Variants in MEF2D observed in about 807,000 individuals in gnomAD.
MEF2D encodes the protein myocyte-specific enhancer factor 2D.
Under a neutral mutation model 59.3 loss-of-function variants are expected in MEF2D, and 10 were observed. That is an observed-to-expected ratio of 0.17 (90% CI 0.10 to 0.29). MEF2D has a LOEUF of 0.29. Ranked by LOEUF, MEF2D falls within the 10% of genes least tolerant of loss-of-function variation. The probability of loss-of-function intolerance (pLI) is 1.00; values close to 1 mark genes in which losing one functional copy is unlikely to be tolerated. For missense variants in MEF2D, 508 were observed against 699.4 expected (o/e 0.73, Z 3.09); for synonymous variants, 305 against 295.0 (o/e 1.03, Z -0.35).
chr1:156,472,161 G>A (rs1167458147), intron 9 of MEF2D, among the ~76,000 whole-genome samples: 4 of 152,218 alleles, frequency 2.6e-5, no homozygotes, highest in Non-Finnish European at 5.9e-5. Context: ...AAAGTGGTCT[G>A]AGCTGCCCTC....
rs1363856348 is a variant in MEF2D, at chr1:156,463,841, G to A, written c.*3804C>T. 6.6e-6 allele frequency: 1 copy of A among 152,640 alleles called. No homozygotes were observed. The highest frequency in any genetic ancestry group is 1.5e-5 in the Non-Finnish European group (1 of 68,050). 9.5% of individuals were successfully genotyped at this position (152,640 alleles called of 1,614,324 possible). On this transcript the variant is annotated 3_prime_UTR_variant, in exon 12 of 12. Transcript: ENST00000348159. ...CTCGAGGACTTTGTCTTTTCTTATT[G>A]TGTAGAATACTAAGAAAGCATCACC...
chr1:156,496,753 T>G (rs1028454820), intron 1 of MEF2D, among the ~76,000 whole-genome samples: 2 of 152,188 alleles, frequency 1.3e-5, no homozygotes, highest in African/African-American at 4.8e-5. Context: ...GTTGCACACT[T>G]TCCTGCATGT....
intron 1 of MEF2D, among the ~76,000 whole-genome samples, chr1:156,497,963 G>A (rs1261343903): frequency 6.6e-6 from 1 of 151,840 alleles, no homozygotes; most frequent in Non-Finnish European, 1.5e-5. Flanking sequence ...CATAATCAAT[G>A]AGGGCCTATC....
rs1672079471 is a variant in MEF2D, at chr1:156,482,354, G to C, written c.258+83C>G. ...TATACCAGTGTGTGTGCATAGGCAGGTCTGCGTGTACATGCAACGTGGGCA... is the reference window on the plus strand; with the variant it reads ...TATACCAGTGTGTGTGCATAGGCAGCTCTGCGTGTACATGCAACGTGGGCA... On this transcript the variant is annotated intron_variant, in intron 3 of 11. Coordinates refer to ENST00000348159, the MANE Select transcript of MEF2D (RefSeq NM_005920.4). 5.5e-6 allele frequency: 8 copies of C among 1,444,452 alleles called. 1 individual carries two copies. The South Asian group carries it at 9.2e-5, about 17-fold the overall frequency. 89.5% of individuals were successfully genotyped at this position (1,444,452 alleles called of 1,614,324 possible). A position where few individuals can be genotyped will look rare whatever the true frequency, so the allele number is the denominator to read the frequency against.
At chr1:156,481,011 TCCCG>T (rs1179093597) in intron 3 of MEF2D, 40 bp from the exon 4 acceptor site, 2 of 1,609,576 alleles carry the variant, frequency 1.2e-6, no homozygotes, top group African/African-American at 1.3e-5. Context: ...TGAGAGTCCT[TCCCG>T]CCCGCCTCGC....
chr1:156,483,266 C>T lies in MEF2D; in HGVS notation c.27G>A (p.Gln9=). The change falls in exon 2 of 12, where the codon CAG becomes CAA. Residue 9 remains glutamine, a synonymous_variant. Transcript: ENST00000348159. MGRKKIQI[Q]RITDERNRQV... Reference sequence around the variant, plus strand: ...GTCGGTTCCGCTCGTCGGTGATTCGCTGGATCTGAATCTTTTTCCTCCCCA... The same window carrying T: ...GTCGGTTCCGCTCGTCGGTGATTCGTTGGATCTGAATCTTTTTCCTCCCCA... The T allele has an allele frequency of 6.2e-7, 1 of 1,614,168 alleles. No homozygotes were observed. Among genetic ancestry groups the T allele is most frequent in the Non-Finnish European group, 8.5e-7 (1 of 1,180,022 alleles).
chr1:156,477,281 C>G, intron 6 of MEF2D, 79 bp from the exon 7 acceptor site: 19 of 1,261,664 alleles, frequency 1.5e-5, no homozygotes, highest in Non-Finnish European at 2.1e-5. Context: ...CACACCAATA[C>G]TCCTGTTACC....
intron 3 of MEF2D, 136 bp downstream of exon 3, chr1:156,482,301 G>A (rs1171558): frequency 0.23 from 201,757 of 889,684 alleles, 24,546 homozygotes; most frequent in Admixed American, 0.32. Context: ...ATGTGTGTGC[G>A]CACAGGTGAG....
At chr1:156,496,683 C>T (rs766917713) in intron 1 of MEF2D, among the ~76,000 whole-genome samples, 5 of 152,154 alleles carry the variant, frequency 3.3e-5, no homozygotes, top group Non-Finnish European at 7.3e-5. Context: ...CCATTCACTA[C>T]CCCCCACCTC....
chr1:156,481,859 G>T (rs1026279034), intron 3 of MEF2D, among the ~76,000 whole-genome samples: 9 of 152,240 alleles, frequency 5.9e-5, no homozygotes, highest in African/African-American at 2.2e-4. Flanking sequence ...ATTTTGTGGA[G>T]GTGGGCACCA....
chr1:156,470,880 A>C (rs1007734770), intron 9 of MEF2D, among the ~76,000 whole-genome samples: 2 of 152,208 alleles, frequency 1.3e-5, no homozygotes, highest in Non-Finnish European at 2.9e-5. Context: ...ACAGGCTCCA[A>C]GTCATGGAGA....
chr1:156,485,908 G>A (rs1391072900), intron 1 of MEF2D, among the ~76,000 whole-genome samples: 1 of 150,636 alleles, frequency 6.6e-6, no homozygotes, highest in Non-Finnish European at 1.5e-5. Context: ...GGAGTGCAGT[G>A]GCGTGATCTT....
At chr1:156,469,185 CAGAGTTA>C (rs1671069261) in intron 9 of MEF2D, among the ~76,000 whole-genome samples, 165 bp from the exon 10 acceptor site, 1 of 152,150 alleles carries the variant, frequency 6.6e-6, no homozygotes, top group African/African-American at 2.4e-5. Context: ...AGACGGTACT[CAGAGTTA>C]AAGAAACCTA....
At chr1:156,486,332 C>G (rs1252256942) in intron 1 of MEF2D, among the ~76,000 whole-genome samples, 4 of 152,196 alleles carry the variant, frequency 2.6e-5, no homozygotes, top group African/African-American at 9.7e-5. Flanking sequence ...CTTTCTAGAG[C>G]TACAGTGGTG....
intron 6 of MEF2D, among the ~76,000 whole-genome samples, chr1:156,477,899 T>C (rs1479935933): frequency 6.6e-6 from 1 of 152,272 alleles, no homozygotes; most frequent in Non-Finnish European, 1.5e-5. Flanking sequence ...AACTATCTTT[T>C]ATATCTGCTC....
At chr1:156,497,788 A>G (rs1673216680) in intron 1 of MEF2D, among the ~76,000 whole-genome samples, 1 of 152,092 alleles carries the variant, frequency 6.6e-6, no homozygotes, top group East Asian at 1.9e-4. Flanking sequence ...GAGATTCTGG[A>G]TCCAGTGCCA....
At chr1:156,481,968 G>C (rs1446320071) in intron 3 of MEF2D, among the ~76,000 whole-genome samples, 2 of 152,246 alleles carry the variant, frequency 1.3e-5, no homozygotes, top group Non-Finnish European at 2.9e-5. Flanking sequence ...CACAATGTTG[G>C]CTCTCTTTGA....
intron 6 of MEF2D, among the ~76,000 whole-genome samples, chr1:156,477,632 G>A (rs1038787221): frequency 5.3e-5 from 8 of 152,194 alleles, no homozygotes; most frequent in African/African-American, 1.9e-4. Flanking sequence ...GACCCACCAT[G>A]ACCAGGATGT....
At chr1:156,495,990 A>C (rs1382566533) in intron 1 of MEF2D, among the ~76,000 whole-genome samples, 1 of 152,194 alleles carries the variant, frequency 6.6e-6, no homozygotes, top group African/African-American at 2.4e-5. Context: ...CCTACAGCAG[A>C]AAGAAAAGAA....
Sources: allele counts gnomAD v4.1 joint callset (sites outside exome capture counted in the v4.1 genomes callset), GRCh38; gene constraint gnomAD v4.1.1; transcripts MANE v1.5; gene names NCBI Gene and HGNC (gene_info 2026-07-23, HGNC 2026-07-21).